PELI3: variants seen among roughly 807,000 people sequenced by gnomAD.
PELI3 encodes the protein pellino E3 ubiquitin protein ligase family member 3, also known as E3 ubiquitin-protein ligase pellino homolog 3.
A neutral mutation model predicts 35.5 loss-of-function variants in PELI3; 19 were observed. The ratio of observed to expected loss-of-function variants is 0.54; its 90% confidence interval spans 0.37 to 0.79. The LOEUF is 0.79. PELI3 is among the 30% of genes least tolerant of loss of function. The probability of loss-of-function intolerance (pLI) is 0.00; values close to 1 mark genes in which losing one functional copy is unlikely to be tolerated. For missense variants in PELI3, 490 were observed against 661.2 expected (o/e 0.74, Z 2.84); for synonymous variants, 262 against 279.2 (o/e 0.94, Z 0.62).
rs1202357730 is a variant in PELI3 at position 66,476,259 on chromosome 11, C to T, written c.*92C>T. 1.5e-6 allele frequency: 2 copies of T among 1,314,950 alleles called. No individual in the cohort carries two copies. Among genetic ancestry groups the T allele is most frequent in the Non-Finnish European group, 2.0e-6 (2 of 976,226 alleles). 81.5% of individuals were successfully genotyped at this position (1,314,950 alleles called of 1,614,324 possible). ...GGGAGCTCTGCATGTGGGACACTCCCTGCTGGCACAGCCACACCAGATGGA... is the reference window on the plus strand; with the variant it reads ...GGGAGCTCTGCATGTGGGACACTCCTTGCTGGCACAGCCACACCAGATGGA... On this transcript the variant is annotated 3_prime_UTR_variant, in exon 8 of 8. Transcript: ENST00000320740.
chr11:66,468,028 C>G, intron 1 of PELI3, 100 bp from the exon 2 acceptor site: 8 of 1,420,406 alleles, frequency 5.6e-6, no homozygotes, highest in Non-Finnish European at 7.5e-6. Context: ...GAAAGGTCAC[C>G]CTTGCCTTAG....
rs1854569569 is a variant in PELI3 at position 66,467,333 on chromosome 11, C to CGGCGCGGTCCCTCT, written c.-2+314_-2+327dup. On this transcript the variant is annotated intron_variant, in intron 1 of 7. Transcript: ENST00000320740. This position sits in a 1 kb window ranked among gnomAD's most constrained non-coding sequence, Gnocchi z 4.2. Reference sequence around the variant, plus strand: ...CGGGGCGCAGGGCGCGGGCCTGCCCCGGCGCGGTCCCTCTGGCGCGGGGAT... The same window carrying CGGCGCGGTCCCTCT: ...CGGGGCGCAGGGCGCGGGCCTGCCCCGGCGCGGTCCCTCTGGCGCGGTCCCTCTGGCGCGGGGAT... The CGGCGCGGTCCCTCT allele has an allele frequency of 6.6e-6, 1 of 152,068 alleles. No homozygotes were observed. Among genetic ancestry groups the CGGCGCGGTCCCTCT allele is most frequent in the Non-Finnish European group, 1.5e-5 (1 of 68,008 alleles). 9.4% of individuals were successfully genotyped at this position (152,068 alleles called of 1,614,324 possible). A position where few individuals can be genotyped will look rare whatever the true frequency, so the allele number is the denominator to read the frequency against.
chr11:66,468,361 C>G, intron 2 of PELI3, 81 bp downstream of exon 2: 1 of 1,336,344 alleles, frequency 7.5e-7, no homozygotes, highest in East Asian at 2.8e-5. Flanking sequence ...CCCCTCCTCC[C>G]CCCACATAGG....
Position 66,476,307 on chromosome 11 carries a change from T to TC in PELI3, c.*146dup. The TC allele has an allele frequency of 3.1e-6, 3 of 976,334 alleles. No homozygotes were observed. Among genetic ancestry groups the TC allele is most frequent in the South Asian group, 1.7e-5 (1 of 57,720 alleles). The allele number at this position is 976,334 out of a possible 1,614,324, so 60.5% of individuals were successfully genotyped here. On this transcript the variant is annotated 3_prime_UTR_variant, in exon 8 of 8. Transcript: ENST00000320740. ...GGACATGTTGGATGGGCTGTGCCCT[T>TC]CCCCCCAACTGTGGCCCCCCAAGGA...
chr11:66,473,628 T>C lies in PELI3; in HGVS notation c.652-109T>C. 6.9e-7 allele frequency: 1 copy of C among 1,442,470 alleles called. No individual in the cohort carries two copies. The highest frequency in any genetic ancestry group is 9.4e-7 in the Non-Finnish European group (1 of 1,064,396). 89.4% of individuals were successfully genotyped at this position (1,442,470 alleles called of 1,614,324 possible). A position where few individuals can be genotyped will look rare whatever the true frequency, so the allele number is the denominator to read the frequency against. On this transcript the variant is annotated intron_variant, in intron 6 of 7. Transcript: ENST00000320740. The surrounding 1 kb of genome is among the most constrained non-coding windows in gnomAD (Gnocchi z 5.8). Reference sequence around the variant, plus strand: ...TCAAGTCATGCAGCTTCAATGCCAGTCCTCTCTGGGCCGCCTCTGAACTTG... The same window carrying C: ...TCAAGTCATGCAGCTTCAATGCCAGCCCTCTCTGGGCCGCCTCTGAACTTG...
rs1419233280 is a variant in PELI3, at chr11:66,467,073, C to G, written c.-2+46C>G. 6.8e-6 allele frequency: 1 copy of G among 147,338 alleles called. No individual in the cohort carries two copies. The highest frequency in any genetic ancestry group is 1.5e-5 in the Non-Finnish European group (1 of 66,050). The allele number at this position is 147,338 out of a possible 1,614,324, so 9.1% of individuals were successfully genotyped here. On this transcript the variant is annotated intron_variant, in intron 1 of 7. Transcript: ENST00000320740. This position sits in a 1 kb window ranked among gnomAD's most constrained non-coding sequence, Gnocchi z 4.2. The stretch of plus-strand genomic sequence containing the variant: ...GGGGCGGGGGCTGCGCCAGGCGGGC[C>G]CCGGCGGGCGCGGGGGGCGTGTTTG...
At chr11:66,475,411 T>A (rs776622650) in intron 7 of PELI3, among the ~76,000 whole-genome samples, 187 bp from the exon 8 acceptor site, 5 of 152,190 alleles carry the variant, frequency 3.3e-5, no homozygotes, top group Non-Finnish European at 7.4e-5. Context: ...CCATGCCCCG[T>A]TGGGAGGGGG....
intron 3 of PELI3, 129 bp from the exon 4 acceptor site, chr11:66,471,113 A>C: frequency 8.0e-7 from 1 of 1,252,684 alleles, no homozygotes; most frequent in Non-Finnish European, 1.1e-6. Context: ...AGGTGCTTGT[A>C]GAGCTTGTTT....
chr11:66,469,373 A>G (rs1434867058), intron 3 of PELI3, among the ~76,000 whole-genome samples: 1 of 152,206 alleles, frequency 6.6e-6, no homozygotes, highest in Non-Finnish European at 1.5e-5. Context: ...CCTGCGAGGT[A>G]GGTCCTAAAA....
At chr11:66,475,288 A>G (rs1854865792) in intron 7 of PELI3, among the ~76,000 whole-genome samples, 1 of 152,220 alleles carries the variant, frequency 6.6e-6, no homozygotes, top group African/African-American at 2.4e-5. Flanking sequence ...AGCATTCCTC[A>G]TTAGAGGCCT....
upstream of PELI3, chr11:66,466,636 G>A (rs1465550245): frequency 6.6e-6 from 1 of 152,312 alleles, no homozygotes; most frequent in Non-Finnish European, 1.5e-5. Context: ...TGTAGACTAC[G>A]GGGGAGTCCT....
In PELI3 at chr11:66,468,878, A is replaced by C; in HGVS notation, c.198A>C (p.Glu66Asp). The C allele has an allele frequency of 1.3e-6, 1 of 778,176 alleles. No individual in the cohort carries two copies. Among genetic ancestry groups the C allele is most frequent in the Non-Finnish European group, 2.4e-6 (1 of 416,710 alleles). 48.2% of individuals were successfully genotyped at this position (778,176 alleles called of 1,614,324 possible). ...AGGAAACCGAGGCTCAGAGAGGGGA[A>C]GTGACTGGCCCAAGGGCACACAGCT... Reference protein sequence around the residue: ...GGEETEAQRGEVTGPRAHSCY... With the variant: ...GGEETEAQRGDVTGPRAHSCY... Residue 66 changes from glutamate (E) to aspartate (D), a missense_variant, in exon 3 of 8, where the codon GAA (glutamate) becomes GAC (aspartate). Around this residue, in one of 3 missense-constraint regions of PELI3, gnomAD observed 137 missense variants for 157.1 expected, o/e 0.87. Transcript: ENST00000320740.
At chr11:66,474,246 C>A in intron 7 of PELI3, 1 of 604,132 alleles carries the variant, frequency 1.7e-6, no homozygotes, top group Non-Finnish European at 2.9e-6. Flanking sequence ...ATCACACCTT[C>A]TTATGAGAGT....
In PELI3 at chr11:66,476,212, T is replaced by G. The variant is rs527435364; in HGVS notation, c.*45T>G. 6.7e-6 allele frequency: 10 copies of G among 1,499,586 alleles called. No individual in the cohort carries two copies. The Admixed American group carries it at 8.4e-5, about 13-fold the overall frequency. The allele number at this position is 1,499,586 out of a possible 1,614,324, so 92.9% of individuals were successfully genotyped here. A position where few individuals can be genotyped will look rare whatever the true frequency, so the allele number is the denominator to read the frequency against. Reference sequence around the variant, plus strand: ...TGCTGTGCCCACCTGCCCACCCAGGTCCCCACCTCCTGCAGCCCAGAGGGA... The same window carrying G: ...TGCTGTGCCCACCTGCCCACCCAGGGCCCCACCTCCTGCAGCCCAGAGGGA... On this transcript the variant is annotated 3_prime_UTR_variant, in exon 8 of 8. Coordinates refer to ENST00000320740, the MANE Select transcript of PELI3 (RefSeq NM_145065.3).
intron 7 of PELI3, among the ~76,000 whole-genome samples, chr11:66,475,280 C>A (rs1854865323): frequency 6.6e-6 from 1 of 152,232 alleles, no homozygotes; most frequent in Non-Finnish European, 1.5e-5. Flanking sequence ...AAGTACCCAG[C>A]ATTCCTCATT....
chr11:66,468,228 G>A lies in PELI3; in HGVS notation c.100G>A (p.Asp34Asn), dbSNP rs371662567. 6.3e-7 allele frequency: 1 copy of A among 1,598,782 alleles called. No individual in the cohort carries two copies. The highest frequency in any genetic ancestry group is 8.5e-7 in the Non-Finnish European group (1 of 1,170,768). The change falls in exon 2 of 8, where the codon GAT becomes AAT. Residue 34 changes from aspartate (D) to asparagine (N), a missense_variant. By Grantham distance (23) the Asp-to-Asn change is conservative. Coordinates refer to ENST00000320740, the MANE Select transcript of PELI3 (RefSeq NM_145065.3). ...GSCVLSSPGE[D>N]AQPGEEPIKY... ...TTGCGTTCTCTCCTCTCCCGGTGAA[G>A]ATGCGCAGCCAGGCGAGGAGCCCAT...
At chr11:66,475,572 T>C in intron 7 of PELI3, 26 bp from the exon 8 acceptor site, 1 of 1,607,676 alleles carries the variant, frequency 6.2e-7, no homozygotes, top group South Asian at 1.1e-5. Flanking sequence ...TCTTGGGCAG[T>C]AAGGCCCTTC....
At chr11:66,474,731 A>ATTTT (rs1358823380) in intron 7 of PELI3, 1 of 151,264 alleles carries the variant, frequency 6.6e-6, no homozygotes, top group Non-Finnish European at 1.5e-5. Context: ...TTATTTATTT[A>ATTTT]TTTATTTATT....
In PELI3 at chr11:66,474,172, A is replaced by C; in HGVS notation, c.840+247A>C. The C allele has an allele frequency of 4.4e-6, 3 of 674,210 alleles. No homozygotes were observed. In the South Asian group the frequency reaches 4.8e-5, roughly 11 times the overall value. The allele number at this position is 674,210 out of a possible 1,614,324, so 41.8% of individuals were successfully genotyped here. A position where few individuals can be genotyped will look rare whatever the true frequency, so the allele number is the denominator to read the frequency against. On this transcript the variant is annotated intron_variant, in intron 7 of 7. Transcript: ENST00000320740. ...TGGAGGTCCAGGGGGTGATGCGATC[A>C]AGGCACACACAGACATACTGTGCAG...
Sources: allele counts gnomAD v4.1 joint callset (sites outside exome capture counted in the v4.1 genomes callset), GRCh38; gene constraint gnomAD v4.1.1; regional missense constraint gnomAD v4.1.1; non-coding constraint Gnocchi (gnomAD v3.1); transcripts MANE v1.5; gene names NCBI Gene and HGNC (gene_info 2026-07-23, HGNC 2026-07-21).